RANBP9: variants seen among roughly 807,000 people sequenced by gnomAD.
The protein encoded by RANBP9 is RAN binding protein 9.
RANBP9 carries 15 observed loss-of-function variants against 84.3 expected under a neutral mutation model. The ratio of observed to expected loss-of-function variants is 0.18; its 90% CI spans 0.12 to 0.27. The LOEUF is 0.27. Ranked by LOEUF, RANBP9 falls within the 10% of genes least tolerant of loss-of-function variation. The pLI, the probability that RANBP9 is intolerant of heterozygous loss-of-function variation, is 1.00. For missense variants in RANBP9, 809 were observed against 912.8 expected, an observed-to-expected ratio of 0.89 and a Z score of 1.46; for synonymous variants, 392 against 349.6, an observed-to-expected ratio of 1.12 and a Z score of -1.35.
intron 2 of RANBP9, among the ~76,000 whole-genome samples, chr6:13,676,148 C>T (rs1315676863): frequency 6.6e-6 from 1 of 151,934 alleles, no homozygotes; most frequent in Non-Finnish European, 1.5e-5. Context: ...AAATAAAATT[C>T]AAGAATATTT....
chr6:13,676,915 T>C (rs1038260516), intron 2 of RANBP9, among the ~76,000 whole-genome samples: 3 of 152,158 alleles, frequency 2.0e-5, no homozygotes, highest in Admixed American at 6.5e-5. Context: ...TCATACTTAA[T>C]GGCTAAAACT....
chr6:13,642,012 G>A (rs780307560), intron 7 of RANBP9, among the ~76,000 whole-genome samples: 20 of 152,122 alleles, frequency 1.3e-4, no homozygotes, highest in Non-Finnish European at 2.6e-4. Context: ...ACTTGCCATT[G>A]TTATACAGGA....
Position 13,657,096 on chromosome 6 carries a change from A to G in RANBP9, c.904+13T>C. On this transcript the variant is annotated intron_variant, in intron 4 of 13. Transcript: ENST00000011619. ...TATTTGGTTATTTTGCATGCAATAT[A>G]TTATCTCAGTACCTAAACTATGTCC... 1 of 1,589,508 alleles carries G rather than the reference A, an allele frequency of 6.3e-7. No homozygotes were observed. Among genetic ancestry groups the G allele is most frequent in the Non-Finnish European group, 8.6e-7 (1 of 1,165,210 alleles).
chr6:13,652,082 G>C (rs1187011690), intron 5 of RANBP9, among the ~76,000 whole-genome samples: 1 of 152,166 alleles, frequency 6.6e-6, no homozygotes, highest in African/African-American at 2.4e-5. Context: ...CTTGAGCAAA[G>C]GGGAGCAACT....
At chr6:13,688,724 C>T (rs1467609144) in intron 2 of RANBP9, among the ~76,000 whole-genome samples, 1 of 151,530 alleles carries the variant, frequency 6.6e-6, no homozygotes, top group African/African-American at 2.4e-5. Flanking sequence ...CTCAGGCAAC[C>T]GCCTCACAAC....
chr6:13,638,874 G>A (rs1233761628), intron 9 of RANBP9, among the ~76,000 whole-genome samples: 1 of 151,938 alleles, frequency 6.6e-6, no homozygotes, highest in Non-Finnish European at 1.5e-5. Flanking sequence ...GGAGAGGAGG[G>A]AGGCAGCGGC....
intron 12 of RANBP9, among the ~76,000 whole-genome samples, chr6:13,631,762 C>T (rs1235735527): frequency 6.6e-6 from 1 of 152,182 alleles, no homozygotes; most frequent in African/African-American, 2.4e-5. Context: ...GAAAGCCCCT[C>T]CACCTTCAAC....
At chr6:13,660,847 C>A (rs1397999811) in intron 2 of RANBP9, among the ~76,000 whole-genome samples, 3 of 152,028 alleles carry the variant, frequency 2.0e-5, no homozygotes, top group African/African-American at 7.2e-5. Flanking sequence ...TTGATTCAGC[C>A]CCTTTGCTAG....
chr6:13,690,596 A>G (rs2113347306), intron 2 of RANBP9, among the ~76,000 whole-genome samples: 1 of 152,354 alleles, frequency 6.6e-6, no homozygotes, highest in East Asian at 1.9e-4. Flanking sequence ...AACACTGTCA[A>G]AGAGTGGCAT....
In RANBP9 at chr6:13,626,660, C is replaced by T. The variant is rs116903134; in HGVS notation, c.1948-896G>A. Among the ~76,000 whole-genome samples the T allele has an allele frequency of 2.0e-4, 31 of 152,266 alleles. No individual in the cohort carries two copies. The East Asian group carries it at 5.2e-3, about 26-fold the overall frequency. ...AATAGAGAAATTCAGAACACTCTTA[C>T]CAATTTGGAAGGCAGACATGGAGAG... On this transcript the variant is annotated intron_variant, in intron 12 of 13. Coordinates refer to ENST00000011619, the MANE Select transcript of RANBP9 (RefSeq NM_005493.3).
chr6:13,678,109 T>C (rs991755824), intron 2 of RANBP9, among the ~76,000 whole-genome samples: 2 of 152,092 alleles, frequency 1.3e-5, no homozygotes, highest in African/African-American at 4.8e-5. Context: ...CAGAGTGAGA[T>C]CTTATCTCAA....
chr6:13,696,494 A>C (rs1284799605), intron 2 of RANBP9, among the ~76,000 whole-genome samples: 1 of 152,246 alleles, frequency 6.6e-6, no homozygotes, highest in Non-Finnish European at 1.5e-5. Flanking sequence ...ACGAAAAAGC[A>C]GTGTAAGAAA....
chr6:13,663,456 G>A (rs1226719640), intron 2 of RANBP9, among the ~76,000 whole-genome samples: 1 of 151,988 alleles, frequency 6.6e-6, no homozygotes. Context: ...ACTCTTTAAA[G>A]CAAAAATGGT....
chr6:13,708,253 C>T (rs763917612), intron 1 of RANBP9, among the ~76,000 whole-genome samples: 1 of 151,772 alleles, frequency 6.6e-6, no homozygotes, highest in Non-Finnish European at 1.5e-5. Flanking sequence ...AAGACCCCAT[C>T]TCCACAAAAA....
chr6:13,706,244 T>C (rs1357975858), intron 1 of RANBP9, among the ~76,000 whole-genome samples: 1 of 152,092 alleles, frequency 6.6e-6, no homozygotes, highest in Non-Finnish European at 1.5e-5. Flanking sequence ...CTTGGAAGGC[T>C]GAGGCAGGAA....
chr6:13,649,169 G>T (rs1226283324), intron 5 of RANBP9, among the ~76,000 whole-genome samples: 1 of 152,034 alleles, frequency 6.6e-6, no homozygotes, highest in Non-Finnish European at 1.5e-5. Flanking sequence ...AGGAAGAATT[G>T]ATATGAAGCC....
At chr6:13,638,837 C>T (rs981040979) in intron 9 of RANBP9, among the ~76,000 whole-genome samples, 1 of 149,598 alleles carries the variant, frequency 6.7e-6, no homozygotes, top group African/African-American at 2.5e-5. Context: ...TTGCAAGAGG[C>T]TTGGTTGGGA....
At chr6:13,648,309 G>A (rs894309743) in intron 5 of RANBP9, among the ~76,000 whole-genome samples, 10 of 151,748 alleles carry the variant, frequency 6.6e-5, no homozygotes, top group African/African-American at 2.4e-4. Flanking sequence ...CACCACTCCT[G>A]GCTAATTTTT....
intron 2 of RANBP9, among the ~76,000 whole-genome samples, chr6:13,679,079 C>T (rs952525334): frequency 6.6e-6 from 1 of 152,086 alleles, no homozygotes; most frequent in African/African-American, 2.4e-5. Flanking sequence ...TGTTCCAATT[C>T]TAATTCTATG....
Sources: allele counts gnomAD v4.1 joint callset (sites outside exome capture counted in the v4.1 genomes callset), GRCh38; gene constraint gnomAD v4.1.1; transcripts MANE v1.5; gene names NCBI Gene and HGNC (gene_info 2026-07-23, HGNC 2026-07-21).